The following ADAMTSL1 variants were observed in gnomAD, a reference collection of about 807,000 sequenced individuals.
The protein encoded by ADAMTSL1 is ADAMTS-like protein 1.
Under a neutral mutation model 201.8 loss-of-function variants are expected in ADAMTSL1, and 126 were observed. That is an observed-to-expected ratio of 0.62 (90% CI 0.54 to 0.72). The LOEUF (loss-of-function observed/expected upper bound fraction) is 0.72, where lower values mean the gene tolerates loss of function less well. Among genes scored for constraint, ADAMTSL1 ranks in the 30% least tolerant of loss-of-function variants. The pLI is 0.00. For missense variants in ADAMTSL1, 2,679 were observed against 2,277.8 expected (o/e 1.18, Z -3.59); for synonymous variants, 1,121 against 903.4 (o/e 1.24, Z -4.32).
chr9:18,571,601 A>G (rs1258595229), intron 3 of ADAMTSL1, among the ~76,000 whole-genome samples: 2 of 152,210 alleles, frequency 1.3e-5, no homozygotes, highest in Non-Finnish European at 2.9e-5. Flanking sequence ...TGGATCATAT[A>G]AAGGTAGGTT....
At chr9:18,697,054 A>T (rs1028031095) in intron 13 of ADAMTSL1, among the ~76,000 whole-genome samples, 83 of 149,008 alleles carry the variant, frequency 5.6e-4, no homozygotes, top group Admixed American at 1.1e-3. Flanking sequence ...TAATTTTTGT[A>T]TTTTTTTTTA....
rs139874426 is a variant in ADAMTSL1 at position 18,872,713 on chromosome 9, C to A, written c.4250-15118C>A. On this transcript the variant is annotated intron_variant, in intron 23 of 28. Coordinates refer to ENST00000380548, the MANE Select transcript of ADAMTSL1 (RefSeq NM_001040272.6). ...TAGTATTCCATGGTATATGTATACACCACAGTTTCTTTATCCACTCATTGA... is the reference window on the plus strand; with the variant it reads ...TAGTATTCCATGGTATATGTATACAACACAGTTTCTTTATCCACTCATTGA... Among the ~76,000 whole-genome samples the A allele has an allele frequency of 3.8e-3, 585 of 152,246 alleles. 8 individuals carry two copies. The highest frequency in any genetic ancestry group is 0.013 in the African/African-American group (549 of 41,554).
At chr9:18,789,222 C>A (rs1588113394) in intron 19 of ADAMTSL1, among the ~76,000 whole-genome samples, 1 of 152,190 alleles carries the variant, frequency 6.6e-6, no homozygotes, top group East Asian at 1.9e-4. Flanking sequence ...AAATCATAAT[C>A]ACCTACATTT....
intron 3 of ADAMTSL1, among the ~76,000 whole-genome samples, chr9:18,570,490 C>T (rs1467279568): frequency 1.3e-5 from 2 of 152,108 alleles, no homozygotes; most frequent in African/African-American, 2.4e-5. Flanking sequence ...AGAATGTTTG[C>T]CAAATCCTTC....
At chr9:18,872,966 C>T (rs757309949) in intron 23 of ADAMTSL1, among the ~76,000 whole-genome samples, 7 of 152,174 alleles carry the variant, frequency 4.6e-5, no homozygotes, top group Admixed American at 2.0e-4. Flanking sequence ...CTTTCTACCA[C>T]GTACATGCCA....
intron 23 of ADAMTSL1, among the ~76,000 whole-genome samples, chr9:18,842,155 G>A (rs989639668): frequency 5.9e-5 from 9 of 151,850 alleles, no homozygotes; most frequent in African/African-American, 2.2e-4. Flanking sequence ...GATCTTTCCT[G>A]CTTTCTCTTG....
intron 2 of ADAMTSL1, among the ~76,000 whole-genome samples, chr9:18,249,106 C>T (rs964858042): frequency 2.6e-5 from 4 of 152,084 alleles, no homozygotes; most frequent in Non-Finnish European, 4.4e-5. Flanking sequence ...GCGAGAGAAC[C>T]TTGCTTGGCC....
intron 1 of ADAMTSL1, among the ~76,000 whole-genome samples, chr9:17,969,994 C>A (rs903326947): frequency 6.6e-6 from 1 of 151,944 alleles, no homozygotes; most frequent in Non-Finnish European, 1.5e-5. Context: ...CTGTAGTAAC[C>A]TTATCCTGTA....
intron 4 of ADAMTSL1, among the ~76,000 whole-genome samples, chr9:18,586,429 C>CA (rs1292014245): frequency 1.3e-5 from 2 of 151,930 alleles, no homozygotes; most frequent in African/African-American, 4.8e-5. Context: ...AACCATTGCT[C>CA]AAAAAAATCA....
intron 23 of ADAMTSL1, among the ~76,000 whole-genome samples, chr9:18,846,294 G>C (rs549650670): frequency 6.7e-6 from 1 of 150,080 alleles, no homozygotes; most frequent in East Asian, 2.0e-4. Context: ...GCAAGAGCTG[G>C]GGGCTTTTCA....
At chr9:18,554,806 TC>T (rs1269675057) in intron 3 of ADAMTSL1, among the ~76,000 whole-genome samples, 5 of 151,526 alleles carry the variant, frequency 3.3e-5, no homozygotes, top group Non-Finnish European at 7.4e-5. Flanking sequence ...ATGTACAGTC[TC>T]CCCCACTATC....
At chr9:18,297,598 T>A (rs2132711845) in intron 2 of ADAMTSL1, among the ~76,000 whole-genome samples, 1 of 152,332 alleles carries the variant, frequency 6.6e-6, no homozygotes, top group Non-Finnish European at 1.5e-5. Flanking sequence ...GGTCATGTGC[T>A]TAATATGCAT....
chr9:18,514,573 G>A (rs1012920237), intron 2 of ADAMTSL1, among the ~76,000 whole-genome samples: 6 of 151,816 alleles, frequency 4.0e-5, no homozygotes, highest in South Asian at 4.1e-4. Flanking sequence ...CTCATGATCC[G>A]CCCGCCTCGG....
intron 2 of ADAMTSL1, among the ~76,000 whole-genome samples, chr9:18,466,753 A>G (rs1346779110): frequency 6.6e-6 from 1 of 152,112 alleles, no homozygotes; most frequent in African/African-American, 2.4e-5. Flanking sequence ...TAATTATGAT[A>G]TGAGATAATT....
chr9:18,026,005 G>T (rs1421370133), intron 1 of ADAMTSL1, among the ~76,000 whole-genome samples: 1 of 151,504 alleles, frequency 6.6e-6, no homozygotes, highest in African/African-American at 2.4e-5. Flanking sequence ...TTTTTTTGTG[G>T]CTATTGTAAA....
intron 2 of ADAMTSL1, among the ~76,000 whole-genome samples, chr9:18,196,994 T>A (rs1829209290): frequency 6.6e-6 from 1 of 152,124 alleles, no homozygotes; most frequent in African/African-American, 2.4e-5. Context: ...CTTTGTCTCA[T>A]GTTCGTTTCC....
intron 2 of ADAMTSL1, among the ~76,000 whole-genome samples, chr9:18,518,775 C>T (rs1818512393): frequency 6.6e-6 from 1 of 152,184 alleles, no homozygotes; most frequent in Non-Finnish European, 1.5e-5. Flanking sequence ...GTGGCACAAT[C>T]TCAGCTCGCT....
intron 2 of ADAMTSL1, among the ~76,000 whole-genome samples, chr9:18,329,742 A>G (rs1834958142): frequency 6.6e-6 from 1 of 152,196 alleles, no homozygotes; most frequent in Non-Finnish European, 1.5e-5. Context: ...AATATATGGT[A>G]TTCATCCATC....
intron 1 of ADAMTSL1, among the ~76,000 whole-genome samples, chr9:17,926,473 T>C (rs1048173107): frequency 3.9e-5 from 6 of 152,116 alleles, no homozygotes; most frequent in African/African-American, 1.4e-4. Flanking sequence ...TGACGGCAGC[T>C]CCATCTCAAC....
Sources: allele counts gnomAD v4.1 joint callset (sites outside exome capture counted in the v4.1 genomes callset), GRCh38; gene constraint gnomAD v4.1.1; transcripts MANE v1.5; gene names NCBI Gene and HGNC (gene_info 2026-07-23, HGNC 2026-07-21).